Variants in SETX observed in about 807,000 individuals in gnomAD.
SETX encodes the protein helicase senataxin.
Under a neutral mutation model 227.2 loss-of-function variants are expected in SETX, and 90 were observed. That is an observed-to-expected ratio of 0.40 (90% confidence interval 0.33 to 0.47). The LOEUF is 0.47. Ranked by LOEUF, SETX falls within the 20% of genes least tolerant of loss-of-function variation. The pLI, the probability that SETX is intolerant of heterozygous loss-of-function variation, is 0.91. For synonymous variants in SETX, 1,210 were observed against 1,113.2 expected, an observed-to-expected ratio of 1.09 and a Z score of -1.73; for missense variants, 3,052 against 3,181.5, an observed-to-expected ratio of 0.96 and a Z score of 0.98.
rs200437136 is a variant in SETX, at chr9:132,327,631, G to A, written c.3967C>T (p.Arg1323Ter). 6.2e-7 allele frequency: 1 copy of A among 1,613,650 alleles called. No homozygotes were observed. Among genetic ancestry groups the A allele is most frequent in the Non-Finnish European group, 8.5e-7 (1 of 1,179,918 alleles). Reference sequence around the variant, plus strand: ...GGAGAAATTAATTTAGTCTTTTTTCGGGTATCAACTACTCCAACAGTTTTG... The same window carrying A: ...GGAGAAATTAATTTAGTCTTTTTTCAGGTATCAACTACTCCAACAGTTTTG... ...HGKTVGVVDTRKKTKLISPQN... is the reference protein window; with the variant it reads ...HGKTVGVVDT The change falls in exon 10 of 26, where the codon CGA becomes TGA. Residue 1323 changes from arginine (R) to a stop codon, truncating the protein, a stop_gained. Coordinates refer to ENST00000224140, the MANE Select transcript of SETX (RefSeq NM_015046.7). LOFTEE classifies it high-confidence loss of function.
At chr9:132,285,697 T>C (rs1452608418) in intron 18 of SETX, among the ~76,000 whole-genome samples, 6 of 144,956 alleles carry the variant, frequency 4.1e-5, no homozygotes, top group East Asian at 2.1e-4. Flanking sequence ...CTGGCCAACA[T>C]GGTGAAACCC....
chr9:132,265,224 G>GT lies in SETX; in HGVS notation c.7288-240dup, dbSNP rs397741391. Among the ~76,000 whole-genome samples, 29,948 of 106,338 alleles carry GT rather than the reference G, an allele frequency of 0.28. 5,419 individuals are homozygous for GT. Among genetic ancestry groups the GT allele is most frequent in the African/African-American group, 0.42 (10,963 of 26,286 alleles). The allele number at this position is 106,338 out of a possible 152,430, so 69.8% of individuals were successfully genotyped here. A position where few individuals can be genotyped will look rare whatever the true frequency, so the allele number is the denominator to read the frequency against. On this transcript the variant is annotated intron_variant, in intron 25 of 25. Coordinates refer to ENST00000224140, the MANE Select transcript of SETX (RefSeq NM_015046.7). ...CCTATAATGGAGAACTTCAACTTTT[G>GT]TTTTTTTTTTTTTTTTTTTTGAGAC...
Position 132,327,978 on chromosome 9 carries a change from G to A in SETX, c.3620C>T (p.Thr1207Ile). 1.2e-6 allele frequency: 2 copies of A among 1,613,900 alleles called. No individual in the cohort carries two copies. Among genetic ancestry groups the A allele is most frequent in the Non-Finnish European group, 8.5e-7 (1 of 1,179,974 alleles). The change falls in exon 10 of 26, where the codon ACT becomes ATT. Residue 1207 changes from threonine (T) to isoleucine (I), a missense_variant. By Grantham distance (89) the Thr-to-Ile change is moderately conservative (BLOSUM62 -1). Around this residue, in one of 10 missense-constraint regions of SETX, gnomAD observed 1,483 missense variants for 1,312.0 expected, o/e 1.13. Transcript: ENST00000224140. ...GGCTCTCTGAATACGTGAATTGGGA[G>A]TTGAAGTCCTTCTATCAATACTTTT... ...DFKSIDRRTS[T>I]PNSRIQRATT...
At chr9:132,269,253 T>A (rs1344981122) in intron 25 of SETX, 4 of 454,172 alleles carry the variant, frequency 8.8e-6, no homozygotes, top group Non-Finnish European at 1.1e-5. Context: ...CTGCAAACTC[T>A]CTCTGGCATT....
intron 24 of SETX, 99 bp downstream of exon 24, chr9:132,271,611 C>T (rs1046374984): frequency 2.0e-6 from 2 of 1,014,292 alleles, no homozygotes; most frequent in Admixed American, 3.4e-5. Context: ...ATTAAAAAAG[C>T]AAATGGTGTT....
chr9:132,344,938 T>C (rs1021103725), intron 4 of SETX, among the ~76,000 whole-genome samples: 2 of 150,742 alleles, frequency 1.3e-5, no homozygotes, highest in African/African-American at 2.4e-5. Flanking sequence ...TTTCAAGAGA[T>C]TCGTATTATG....
rs779654582 is a variant in SETX, at chr9:132,329,139, A to G, written c.2459T>C (p.Ile820Thr). 1 of 1,610,930 alleles carries G rather than the reference A, an allele frequency of 6.2e-7. No homozygotes were observed. The highest frequency in any genetic ancestry group is 2.2e-5 in the East Asian group (1 of 44,812). Residue 820 changes from isoleucine (I) to threonine (T), a missense_variant, in exon 10 of 26, where the codon ATT becomes ACT. Coordinates refer to ENST00000224140, the MANE Select transcript of SETX (RefSeq NM_015046.7). ...NLDENLTVSN[I>T]ESFYSRKDTG... is the part of the protein sequence containing the mutation. The stretch of plus-strand genomic sequence containing the variant: ...ATCTTTCCTTGAATAGAAACTCTCA[A>G]TGTTAGATACAGTCAAATTTTCATC...
At chr9:132,342,620 A>C in intron 5 of SETX, 70 bp downstream of exon 5, 1 of 1,112,874 alleles carries the variant, frequency 9.0e-7, no homozygotes, top group Admixed American at 1.7e-5. Context: ...CACACCAAAA[A>C]CCGCTATTAT....
At chr9:132,321,956 C>A (rs509522) in intron 10 of SETX, among the ~76,000 whole-genome samples, 113,952 of 152,080 alleles carry the variant, frequency 0.75, 44,008 homozygotes, top group Non-Finnish European at 0.84. Context: ...TCACTCAGAG[C>A]TTCTGGTGTT....
At position 132,328,554 on chromosome 9, in the gene SETX, A is replaced by T; in HGVS notation, c.3044T>A (p.Ile1015Asn). Residue 1015 changes from isoleucine (I) to asparagine (N), a missense_variant, in exon 10 of 26, where the codon ATT becomes AAT. By Grantham distance (149) the Ile-to-Asn change is moderately radical. This residue lies in a region of SETX where 1,483 missense variants were observed against 1,312.0 expected (regional missense o/e 1.13). Transcript: ENST00000224140. The stretch of plus-strand genomic sequence containing the variant: ...ATCATCATCATCAGAATCTGAAATA[A>T]TAATAACCTGTCCACGGGAGGTATC... The part of the protein sequence containing the change: ...VGDTSRGQVI[I>N]ISDSDDDDDE... The T allele has an allele frequency of 1.2e-6, 2 of 1,614,086 alleles. No individual in the cohort carries two copies. The highest frequency in any genetic ancestry group is 1.7e-6 in the Non-Finnish European group (2 of 1,180,014).
intron 20 of SETX, among the ~76,000 whole-genome samples, chr9:132,278,940 G>A (rs916697002): frequency 6.6e-6 from 1 of 152,118 alleles, no homozygotes; most frequent in Non-Finnish European, 1.5e-5. Flanking sequence ...AGTCTCACAG[G>A]ACTTAATTTC....
chr9:132,269,910 T>G (rs1233501117), intron 24 of SETX, among the ~76,000 whole-genome samples: 1 of 130,184 alleles, frequency 7.7e-6, no homozygotes, highest in Non-Finnish European at 1.6e-5. Context: ...TGACTCAGCA[T>G]CCTCATGTGA....
intron 10 of SETX, among the ~76,000 whole-genome samples, chr9:132,323,143 G>C (rs1286107919): frequency 3.3e-5 from 5 of 152,172 alleles, no homozygotes; most frequent in Admixed American, 3.3e-4. Context: ...GAGTAACCAA[G>C]AAAGATGACG....
At chr9:132,274,693 G>A (rs1329707993) in intron 23 of SETX, among the ~76,000 whole-genome samples, 6 of 151,822 alleles carry the variant, frequency 4.0e-5, no homozygotes, top group Admixed American at 3.9e-4. Flanking sequence ...TGATCTGCCC[G>A]CCTCAGCCTC....
chr9:132,272,414 G>C (rs866004004), intron 23 of SETX, among the ~76,000 whole-genome samples: 8 of 151,626 alleles, frequency 5.3e-5, no homozygotes, highest in African/African-American at 1.7e-4. Context: ...CACCCAAAAT[G>C]TTAGGATTAT....
chr9:132,301,480 CATA>C (rs1426359685), intron 11 of SETX, among the ~76,000 whole-genome samples: 1 of 152,114 alleles, frequency 6.6e-6, no homozygotes, highest in African/African-American at 2.4e-5. Flanking sequence ...TTATACACCG[CATA>C]ATGATGTTGT....
intron 3 of SETX, among the ~76,000 whole-genome samples, chr9:132,348,184 AC>A (rs911866644): frequency 4.0e-5 from 6 of 151,590 alleles, no homozygotes; most frequent in African/African-American, 1.5e-4. Context: ...ACATGGTAAA[AC>A]CCCATCTCTA....
intron 25 of SETX, among the ~76,000 whole-genome samples, chr9:132,268,267 A>G (rs1245416179): frequency 6.6e-6 from 1 of 152,228 alleles, no homozygotes; most frequent in Non-Finnish European, 1.5e-5. Context: ...GATAAAAATC[A>G]ACTTTTTAGG....
In SETX at chr9:132,335,300, AGAAT is replaced by A. The variant is rs546197389; in HGVS notation, c.719-577_719-574del. 2.4e-4 allele frequency among the ~76,000 whole-genome samples: 33 copies of A among 139,354 alleles called. 1 individual carries two copies. In the East Asian group the frequency reaches 7.6e-3, roughly 32 times the overall value. 91.4% of individuals were successfully genotyped at this position (139,354 alleles called of 152,430 possible). A position where few individuals can be genotyped will look rare whatever the true frequency, so the allele number is the denominator to read the frequency against. On this transcript the variant is annotated intron_variant, in intron 6 of 25. Coordinates refer to ENST00000224140, the MANE Select transcript of SETX (RefSeq NM_015046.7). The stretch of plus-strand genomic sequence containing the variant: ...CAGCTACTCGGGAGGCTGAGGCAGG[AGAAT>A]GGCGTGAACCCAGGAGGCGGATCTT...
Sources: allele counts gnomAD v4.1 joint callset (sites outside exome capture counted in the v4.1 genomes callset), GRCh38; gene constraint gnomAD v4.1.1; regional missense constraint gnomAD v4.1.1; transcripts MANE v1.5; gene names NCBI Gene and HGNC (gene_info 2026-07-23, HGNC 2026-07-21).